The following ADAMTS10 variants were observed in gnomAD, a reference collection of about 807,000 sequenced individuals.
ADAMTS10 encodes the protein A disintegrin and metalloproteinase with thrombospondin motifs 10.
In ADAMTS10, 48 loss-of-function variants were observed where a neutral mutation model predicts 135.9. The ratio of observed to expected loss-of-function variants is 0.35; its 90% CI spans 0.28 to 0.45. ADAMTS10 has a LOEUF of 0.45. Ranked by LOEUF, ADAMTS10 falls within the 20% of genes least tolerant of loss-of-function variation. The pLI, the probability that ADAMTS10 is intolerant of heterozygous loss-of-function variation, is 1.00. For missense variants in ADAMTS10, 1,131 were observed against 1,565.2 expected (o/e 0.72, Z 4.68); for synonymous variants, 621 against 647.5 (o/e 0.96, Z 0.62).
chr19:8,592,744 G>C lies in ADAMTS10; in HGVS notation c.1587+19C>G, dbSNP rs183759304. On this transcript the variant is annotated intron_variant, in intron 13 of 25. Coordinates refer to ENST00000597188, the MANE Select transcript of ADAMTS10 (RefSeq NM_030957.4). ...GCTCAGGGGGCGTGGCCCAGTTGGGGGCCCTGGCCGGCGCTCACCCCCTTG... is the reference window on the plus strand; with the variant it reads ...GCTCAGGGGGCGTGGCCCAGTTGGGCGCCCTGGCCGGCGCTCACCCCCTTG... 24 of 1,602,414 alleles carry C rather than the reference G, an allele frequency of 1.5e-5. No individual in the cohort carries two copies. The highest frequency in any genetic ancestry group is 2.0e-5 in the Non-Finnish European group (23 of 1,177,360).
chr19:8,581,130 CTTTTTTTTT>C (rs369050914), intron 25 of ADAMTS10, 128 bp from the exon 26 acceptor site: 9,002 of 146,726 alleles, frequency 0.061, 48 homozygotes, highest in South Asian at 0.076. Context: ...TTTAAATTTA[CTTTTTTTTT>C]TTTTTTTTTT....
chr19:8,585,591 C>A lies in ADAMTS10; in HGVS notation c.2730G>T (p.Val910=). 6.2e-7 allele frequency: 1 copy of A among 1,610,050 alleles called. No homozygotes were observed. Among genetic ancestry groups the A allele is most frequent in the Non-Finnish European group, 8.5e-7 (1 of 1,178,768 alleles). The change falls in exon 23 of 26, where the codon GTG becomes GTT. Residue 910 remains valine, a synonymous_variant. Transcript: ENST00000597188. ...CDAGVRSRSV[V]CQRRVSAAEE... ...CCGCGGCAGAGACGCGGCGCTGGCACACGACCGAGCGGCTGCGCACGCCTG... is the reference window on the plus strand; with the variant it reads ...CCGCGGCAGAGACGCGGCGCTGGCAAACGACCGAGCGGCTGCGCACGCCTG...
At chr19:8,581,043 T>A in intron 25 of ADAMTS10, 41 bp from the exon 26 acceptor site, 2 of 1,450,560 alleles carry the variant, frequency 1.4e-6, no homozygotes, top group South Asian at 1.2e-5. Context: ...AGGTCTCAGC[T>A]GCCCTCCCCG....
chr19:8,601,187 G>A lies in ADAMTS10; in HGVS notation c.593-42C>T, dbSNP rs2042666362. 1 of 1,598,230 alleles carries A rather than the reference G, an allele frequency of 6.3e-7. No individual in the cohort carries two copies. The highest frequency in any genetic ancestry group is 1.7e-5 in the Admixed American group (1 of 59,310). ...AGCAATTAAGCCCTGCCCTGCTGGT[G>A]GGACGCAGAGCTGCCTGACAACTGT... On this transcript the variant is annotated intron_variant, in intron 5 of 25. Transcript: ENST00000597188. The surrounding 1 kb of genome is among the most constrained non-coding windows in gnomAD (Gnocchi z 4.6).
At chr19:8,591,318 A>G (rs1193705650) in intron 15 of ADAMTS10, among the ~76,000 whole-genome samples, 2 of 151,542 alleles carry the variant, frequency 1.3e-5, no homozygotes, top group Non-Finnish European at 2.9e-5. Context: ...CCAGGTCTTT[A>G]AGGAGGAGGG....
intron 12 of ADAMTS10, chr19:8,593,612 G>A (rs565875251): frequency 6.6e-6 from 1 of 152,300 alleles, no homozygotes; most frequent in African/African-American, 2.4e-5. Context: ...CTAGTCCCAG[G>A]GACTCACTCT....
At chr19:8,583,206 T>C (rs187503861) in intron 25 of ADAMTS10, among the ~76,000 whole-genome samples, 95 of 152,302 alleles carry the variant, frequency 6.2e-4, no homozygotes, top group African/African-American at 2.1e-3. Context: ...GGTAGTTTGG[T>C]TGCAGTGCCC....
intron 6 of ADAMTS10, among the ~76,000 whole-genome samples, chr19:8,599,153 G>T (rs527506514): frequency 1.3e-5 from 2 of 152,070 alleles, no homozygotes; most frequent in Non-Finnish European, 2.9e-5. Context: ...GCTTAGAGAG[G>T]TCAAGAATCT....
chr19:8,595,702 T>TACCCC, intron 12 of ADAMTS10, 60 bp downstream of exon 12: 19 of 894,218 alleles, frequency 2.1e-5, no homozygotes, highest in South Asian at 2.6e-5. Context: ...TGGAGTTCCC[T>TACCCC]CCCCCAGCCC....
At chr19:8,598,338 C>T (rs1016902450) in intron 6 of ADAMTS10, among the ~76,000 whole-genome samples, 4 of 151,848 alleles carry the variant, frequency 2.6e-5, no homozygotes, top group Admixed American at 1.3e-4. Context: ...TGTCCAGAGG[C>T]GACCTGAGGG....
At position 8,586,543 on chromosome 19, in the gene ADAMTS10, C is replaced by T. The variant is rs782671440; in HGVS notation, c.2403+15G>A. 7.4e-6 allele frequency: 12 copies of T among 1,613,234 alleles called. No homozygotes were observed. The highest frequency in any genetic ancestry group is 5.1e-6 in the Non-Finnish European group (6 of 1,180,016). On this transcript the variant is annotated intron_variant, in intron 20 of 25. Coordinates refer to ENST00000597188, the MANE Select transcript of ADAMTS10 (RefSeq NM_030957.4). ...AATTCCAAAGGCTGCACCTTGCCCC[C>T]AGTCTCCCTGTTACCATGACGATGA...
In ADAMTS10 at chr19:8,596,534, T is replaced by G; in HGVS notation, c.1084+8A>C. The G allele has an allele frequency of 5.0e-6, 8 of 1,613,920 alleles. No individual in the cohort carries two copies. The highest frequency in any genetic ancestry group is 6.8e-6 in the Non-Finnish European group (8 of 1,179,956). The stretch of plus-strand genomic sequence containing the variant: ...CATAGGCGCCTGAAACCTACGGGGC[T>G]CGGGTACCTAGTGTGCCGCAGGGTT... On this transcript the variant is annotated splice_region_variant and intron_variant, in intron 9 of 25. Transcript: ENST00000597188. This position sits in a 1 kb window ranked among gnomAD's most constrained non-coding sequence, Gnocchi z 7.2.
rs183759304 is a variant in ADAMTS10, at chr19:8,592,744, G to A, written c.1587+19C>T. ...GCTCAGGGGGCGTGGCCCAGTTGGG[G>A]GCCCTGGCCGGCGCTCACCCCCTTG... On this transcript the variant is annotated intron_variant, in intron 13 of 25. Coordinates refer to ENST00000597188, the MANE Select transcript of ADAMTS10 (RefSeq NM_030957.4). 1.9e-4 allele frequency: 297 copies of A among 1,602,534 alleles called. 2 individuals carry two copies. In the East Asian group the frequency reaches 6.1e-3, roughly 33 times the overall value.
intron 22 of ADAMTS10, 80 bp from the exon 23 acceptor site, chr19:8,585,740 C>A: frequency 7.2e-7 from 1 of 1,384,810 alleles, no homozygotes; most frequent in Non-Finnish European, 1.0e-6. Context: ...ATAGCCTACC[C>A]CCACCCTTCC....
chr19:8,592,658 T>C, intron 13 of ADAMTS10, 105 bp downstream of exon 13: 3 of 1,169,242 alleles, frequency 2.6e-6, no homozygotes, highest in Non-Finnish European at 3.7e-6. Context: ...GTGGCCAATG[T>C]GGGAGGGAGC....
intron 12 of ADAMTS10, 148 bp from the exon 13 acceptor site, chr19:8,593,018 C>T (rs577914121): frequency 4.1e-6 from 3 of 723,314 alleles, no homozygotes; most frequent in African/African-American, 3.5e-5. Context: ...GGTGGGTCTT[C>T]GTGCATCCCC....
intron 25 of ADAMTS10, among the ~76,000 whole-genome samples, chr19:8,584,472 C>A (rs1392417898): frequency 1.3e-5 from 2 of 149,522 alleles, no homozygotes; most frequent in African/African-American, 2.5e-5. Flanking sequence ...CACAGCAAGA[C>A]CCCATCTCTC....
chr19:8,586,175 G>T lies in ADAMTS10; in HGVS notation c.2607C>A (p.His869Gln), dbSNP rs576529214. ...CGCGCTGCCTTTTGGGCAGCTTGCT[G>T]TGGGCACTGCAGTAGTGGGGGGCGA... ...SAVAPHYCSA[H>Q]SKLPKRQRAC... Residue 869 changes from histidine (H) to glutamine (Q), a missense_variant, in exon 22 of 26, where the codon CAC (histidine) becomes CAA (glutamine). Coordinates refer to ENST00000597188, the MANE Select transcript of ADAMTS10 (RefSeq NM_030957.4). 5.6e-6 allele frequency: 9 copies of T among 1,613,010 alleles called. No homozygotes were observed. In the East Asian group the frequency reaches 2.0e-4, roughly 36 times the overall value.
In ADAMTS10 at chr19:8,600,707, C is replaced by T. The variant is rs187900512; in HGVS notation, c.810+221G>A. ...TAGAGATGGGGTTTCACCGTGTTAG[C>T]CAGGATGGTCTCCATCTCCTGACCT... is the stretch of plus-strand genomic sequence containing the variant. On this transcript the variant is annotated intron_variant, in intron 6 of 25. Transcript: ENST00000597188. 9.9e-5 allele frequency among the ~76,000 whole-genome samples: 15 copies of T among 151,916 alleles called. No homozygotes were observed. The East Asian group carries it at 1.4e-3, about 14-fold the overall frequency.
Sources: allele counts gnomAD v4.1 joint callset (sites outside exome capture counted in the v4.1 genomes callset), GRCh38; gene constraint gnomAD v4.1.1; non-coding constraint Gnocchi (gnomAD v3.1); transcripts MANE v1.5; gene names NCBI Gene and HGNC (gene_info 2026-07-23, HGNC 2026-07-21).